Variants in CDC42 observed in about 807,000 individuals in gnomAD.
CDC42 encodes the protein cell division cycle 42.
CDC42 carries 1 observed loss-of-function variant against 20.8 expected under a neutral mutation model. The ratio of observed to expected loss-of-function variants is 0.05; its 90% confidence interval spans 0.02 to 0.23. The LOEUF (loss-of-function observed/expected upper bound fraction) is 0.23, where lower values mean the gene tolerates loss of function less well. Ranked by LOEUF, CDC42 falls within the 10% of genes least tolerant of loss-of-function variation. The pLI, the probability that CDC42 is intolerant of heterozygous loss-of-function variation, is 1.00. For synonymous variants in CDC42, 72 were observed against 84.8 expected (o/e 0.85, Z 0.83); for missense variants, 49 against 227.9 (o/e 0.21, Z 5.05).
chr1:22,059,898 TC>T (rs34723090), intron 1 of CDC42, among the ~76,000 whole-genome samples: 142,316 of 152,224 alleles, frequency 0.93, 66,574 homozygotes, highest in East Asian at 1. Flanking sequence ...CCTTTTTCCT[TC>T]TTTAACTATA....
At chr1:22,073,366 G>A (rs1178158481) in intron 1 of CDC42, among the ~76,000 whole-genome samples, 30 of 151,492 alleles carry the variant, frequency 2.0e-4, no homozygotes, top group Admixed American at 2.0e-3. Context: ...GCGAAACCCC[G>A]TCTCTACTAA....
At chr1:22,060,736 GAGA>G (rs1340175217) in intron 1 of CDC42, among the ~76,000 whole-genome samples, 17 of 152,264 alleles carry the variant, frequency 1.1e-4, no homozygotes, top group African/African-American at 4.1e-4. Context: ...AATACTATTG[GAGA>G]AGAACTCAGT....
At chr1:22,084,558 C>T (rs985641668) in intron 3 of CDC42, among the ~76,000 whole-genome samples, 6 of 151,324 alleles carry the variant, frequency 4.0e-5, no homozygotes, top group East Asian at 1.9e-4. Context: ...TTGTAGATTC[C>T]GGGTATTAAT....
At chr1:22,054,250 T>G (rs1645270497) in intron 1 of CDC42, among the ~76,000 whole-genome samples, 1 of 152,134 alleles carries the variant, frequency 6.6e-6, no homozygotes, top group South Asian at 2.1e-4. Context: ...TAATGGATAT[T>G]GCACTCCCAG....
At chr1:22,062,730 TAAAAAAAAAAAAA>T (rs531472151) in intron 1 of CDC42, among the ~76,000 whole-genome samples, 14 of 69,424 alleles carry the variant, frequency 2.0e-4, no homozygotes, top group African/African-American at 7.1e-4. Context: ...TGGCTCTATT[TAAAAAAAAAAAAA>T]AAAAAAAAAA....
intron 1 of CDC42, among the ~76,000 whole-genome samples, chr1:22,074,668 C>G (rs1416917424): frequency 6.6e-6 from 1 of 152,306 alleles, no homozygotes; most frequent in East Asian, 1.9e-4. Context: ...GATCTTCCCA[C>G]TTTGGCCTCC....
intron 5 of CDC42, among the ~76,000 whole-genome samples, chr1:22,087,867 G>A (rs1645676497): frequency 6.6e-6 from 1 of 152,130 alleles, no homozygotes; most frequent in South Asian, 2.1e-4. Flanking sequence ...TATTACATAT[G>A]CACTAGGTAT....
At position 22,091,191 on chromosome 1, in the gene CDC42, T is replaced by C. The variant is rs1455869896; in HGVS notation, c.487-237T>C. 3.3e-5 allele frequency among the ~76,000 whole-genome samples: 5 copies of C among 152,170 alleles called. No homozygotes were observed. In the East Asian group the frequency reaches 9.6e-4, roughly 29 times the overall value. On this transcript the variant is annotated intron_variant, in intron 5 of 5. Coordinates refer to ENST00000656825, the MANE Select transcript of CDC42 (RefSeq NM_001791.4). ...GACATACATTGGTCTGCGCAAAGCTTTCTCAAAGGACCACTGTCTCACTCA... is the reference window on the plus strand; with the variant it reads ...GACATACATTGGTCTGCGCAAAGCTCTCTCAAAGGACCACTGTCTCACTCA...
chr1:22,094,246 A>ATATATTAT lies in CDC42; in HGVS notation c.*2731_*2738dup. Among the ~76,000 whole-genome samples the ATATATTAT allele has an allele frequency of 6.7e-6, 1 of 149,428 alleles. No individual in the cohort carries two copies. Among genetic ancestry groups the ATATATTAT allele is most frequent in the Admixed American group, 6.7e-5 (1 of 14,936 alleles). On this transcript the variant is annotated 3_prime_UTR_variant, in exon 6 of 6. Transcript: ENST00000656825. ...ATTTATAGTATTTAATACGATGTTA[A>ATATATTAT]TATATTATTGCTATTTATAAGTGTT...
chr1:22,074,153 G>A (rs563915290), intron 1 of CDC42: 1 of 152,080 alleles, frequency 6.6e-6, no homozygotes, highest in South Asian at 2.1e-4. Flanking sequence ...GCTCACTGCA[G>A]TGCGCCTCTG....
chr1:22,053,613 A>G (rs1645262749), intron 1 of CDC42, among the ~76,000 whole-genome samples: 1 of 152,138 alleles, frequency 6.6e-6, no homozygotes, highest in Non-Finnish European at 1.5e-5. Context: ...TTTAAGTCCA[A>G]GATAAATGTA....
Position 22,095,844 on chromosome 1 carries a change from A to AAG in CDC42, c.*4330_*4331dup, listed in dbSNP as rs1645754371. Among the ~76,000 whole-genome samples, 1 of 152,120 alleles carries AAG rather than the reference A, an allele frequency of 6.6e-6. No individual in the cohort carries two copies. Among genetic ancestry groups the AAG allele is most frequent in the African/African-American group, 2.4e-5 (1 of 41,372 alleles). ...GTGTGGACTTGCTTATGGTGGGCCA[A>AAG]AGAGGGGCAAGGGAAAGCGCATTTA... On this transcript the variant is annotated 3_prime_UTR_variant, in exon 6 of 6. Coordinates refer to ENST00000656825, the MANE Select transcript of CDC42 (RefSeq NM_001791.4).
chr1:22,076,948 A>G (rs900355119), intron 1 of CDC42, among the ~76,000 whole-genome samples: 1 of 152,132 alleles, frequency 6.6e-6, no homozygotes, highest in Non-Finnish European at 1.5e-5. Flanking sequence ...CAGGAATTCA[A>G]GACCAGCCTG....
chr1:22,090,855 C>T (rs998780422), intron 5 of CDC42: 18 of 963,882 alleles, frequency 1.9e-5, no homozygotes, highest in African/African-American at 1.8e-4. Flanking sequence ...TCTAATTTTA[C>T]GTATGTATCA....
At chr1:22,071,008 T>C (rs1461572762) in intron 1 of CDC42, among the ~76,000 whole-genome samples, 1 of 151,930 alleles carries the variant, frequency 6.6e-6, no homozygotes, top group Non-Finnish European at 1.5e-5. Context: ...GCTATTTCTT[T>C]ACGGCACTGA....
chr1:22,061,864 C>G (rs1008571428), intron 1 of CDC42, among the ~76,000 whole-genome samples: 5 of 151,044 alleles, frequency 3.3e-5, no homozygotes, highest in African/African-American at 1.2e-4. Flanking sequence ...CCCGGCCTAA[C>G]TTGATGTTTC....
chr1:22,100,230 A>G lies in CDC42; in HGVS notation c.*8713A>G, dbSNP rs1259486977. Among the ~76,000 whole-genome samples, 1 of 152,154 alleles carries G rather than the reference A, an allele frequency of 6.6e-6. No individual in the cohort carries two copies. Among genetic ancestry groups the G allele is most frequent in the Non-Finnish European group, 1.5e-5 (1 of 68,008 alleles). ...GCCTTCATCTTCTCTGCAAACGGTCAGGGATACTCATGCAGTTTTTGAGTT... is the reference window on the plus strand; with the variant it reads ...GCCTTCATCTTCTCTGCAAACGGTCGGGGATACTCATGCAGTTTTTGAGTT... On this transcript the variant is annotated 3_prime_UTR_variant, in exon 6 of 6. Coordinates refer to ENST00000656825, the MANE Select transcript of CDC42 (RefSeq NM_001791.4).
intron 3 of CDC42, 52 bp downstream of exon 3, chr1:22,081,846 G>A (rs780801100): frequency 1.7e-6 from 2 of 1,173,758 alleles, no homozygotes; most frequent in Non-Finnish European, 2.5e-6. Context: ...GTTGCTAGTT[G>A]TCTGTCTCTT....
rs543161107 is a variant in CDC42, at chr1:22,055,350, G to GGTCTTGTGATATAA, written c.-51+2610_-51+2611insCTTGTGATATAAGT. Among the ~76,000 whole-genome samples the GGTCTTGTGATATAA allele has an allele frequency of 9.3e-3, 1,419 of 151,854 alleles. 21 individuals carry two copies. Among genetic ancestry groups the GGTCTTGTGATATAA allele is most frequent in the African/African-American group, 0.032 (1,335 of 41,358 alleles). ...TCAGTAATTTCTTCAAGACCAGAAA[G>GGTCTTGTGATATAA]GTATCACATCCTCTGTTTATACTCT... is the stretch of plus-strand genomic sequence containing the variant. On this transcript the variant is annotated intron_variant, in intron 1 of 5. Coordinates refer to ENST00000656825, the MANE Select transcript of CDC42 (RefSeq NM_001791.4).
Sources: gnomAD v4.1 joint callset for allele counts (sites outside exome capture counted in the v4.1 genomes callset) on GRCh38, gnomAD v4.1.1 for gene constraint, MANE v1.5 for transcripts, NCBI Gene and HGNC (gene_info 2026-07-23, HGNC 2026-07-21) for gene names.